Variants in WDFY4 observed in about 807,000 individuals in gnomAD.
The protein encoded by WDFY4 is WD repeat- and FYVE domain-containing protein 4.
WDFY4 carries 169 observed loss-of-function variants against 351.9 expected under a neutral mutation model. The ratio of observed to expected loss-of-function variants is 0.48; its 90% CI spans 0.42 to 0.55. The LOEUF is 0.55. Among genes scored for constraint, WDFY4 ranks in the 20% least tolerant of loss-of-function variants. The probability of loss-of-function intolerance (pLI) is 0.00; values close to 1 mark genes in which losing one functional copy is unlikely to be tolerated. For synonymous variants in WDFY4, 1,622 were observed against 1,574.6 expected (o/e 1.03, Z -0.71); for missense variants, 3,803 against 3,935.6 (o/e 0.97, Z 0.90).
chr10:48,708,754 A>C (rs932000934), intron 1 of WDFY4, among the ~76,000 whole-genome samples: 4 of 152,198 alleles, frequency 2.6e-5, no homozygotes, highest in Admixed American at 2.6e-4. Flanking sequence ...TCCTGTGTGC[A>C]CTTAGAGATG....
At chr10:48,807,187 G>T (rs1029442471) in intron 27 of WDFY4, among the ~76,000 whole-genome samples, 2 of 152,192 alleles carry the variant, frequency 1.3e-5, no homozygotes, top group Non-Finnish European at 2.9e-5. Flanking sequence ...CTGTATTGGT[G>T]TGAAATTGCT....
chr10:48,716,551 A>G (rs10776639), intron 2 of WDFY4, among the ~76,000 whole-genome samples: 55,238 of 152,044 alleles, frequency 0.36, 10,757 homozygotes, highest in East Asian at 0.73. Flanking sequence ...CCATTTAGTA[A>G]ATGATTGGCT....
chr10:48,691,844 G>T (rs950169525), intron 1 of WDFY4, among the ~76,000 whole-genome samples: 1 of 152,198 alleles, frequency 6.6e-6, no homozygotes, highest in East Asian at 1.9e-4. Flanking sequence ...GTTAAAACAC[G>T]CTGTCAGGAA....
At chr10:48,889,711 A>T (rs1246272810) in intron 43 of WDFY4, among the ~76,000 whole-genome samples, 1 of 152,202 alleles carries the variant, frequency 6.6e-6, no homozygotes, top group African/African-American at 2.4e-5. Flanking sequence ...TCATACCAAG[A>T]TATTGTCATG....
chr10:48,867,107 T>C (rs1435609897), intron 39 of WDFY4, among the ~76,000 whole-genome samples, 158 bp from the exon 40 acceptor site: 1 of 151,686 alleles, frequency 6.6e-6, no homozygotes, highest in African/African-American at 2.4e-5. Context: ...GAGGCAGAGG[T>C]TGCAGTGAGC....
At chr10:48,768,407 C>T (rs754806497) in intron 13 of WDFY4, among the ~76,000 whole-genome samples, 2 of 143,100 alleles carry the variant, frequency 1.4e-5, no homozygotes, top group Middle Eastern at 3.8e-3. Flanking sequence ...CCTCATGACC[C>T]CCCAACCTTT....
intron 38 of WDFY4, 66 bp downstream of exon 38, chr10:48,830,951 G>A (rs1028028185): frequency 6.8e-7 from 1 of 1,478,712 alleles, no homozygotes; most frequent in Non-Finnish European, 9.1e-7. Context: ...CTCCCGCAAG[G>A]TTCAACTCAG....
In WDFY4 at chr10:48,743,461, A is replaced by G. The variant is rs1349200129; in HGVS notation, c.2372A>G (p.Lys791Arg). ...RGDLKESLRT[K>R]QGPVVDVQKG... The stretch of plus-strand genomic sequence containing the variant: ...GACCTGAAGGAGTCCCTGAGGACCA[A>G]GCAGGGGCCGGTTGTGGATGTTCAG... The change falls in exon 12 of 62, where the codon AAG becomes AGG. Residue 791 changes from lysine to arginine, a missense_variant. By Grantham distance (26) the Lys-to-Arg change is conservative. Coordinates refer to ENST00000325239, the MANE Select transcript of WDFY4 (RefSeq NM_001394531.1). The G allele has an allele frequency of 6.5e-7, 1 of 1,549,502 alleles. No homozygotes were observed.
At chr10:48,902,341 TC>T (rs1022798927) in intron 47 of WDFY4, among the ~76,000 whole-genome samples, 4 of 151,818 alleles carry the variant, frequency 2.6e-5, no homozygotes, top group Admixed American at 6.6e-5. Flanking sequence ...TTGCTTGCAG[TC>T]CCCCCCGCCG....
At chr10:48,969,717 G>A (rs967510126) in intron 56 of WDFY4, among the ~76,000 whole-genome samples, 1 of 142,572 alleles carries the variant, frequency 7.0e-6, no homozygotes, top group African/African-American at 2.5e-5. Context: ...CTCCTCCTCA[G>A]GCCCCATTCC....
intron 43 of WDFY4, among the ~76,000 whole-genome samples, chr10:48,881,020 C>T (rs1416917308): frequency 6.6e-6 from 1 of 152,202 alleles, no homozygotes; most frequent in East Asian, 1.9e-4. Flanking sequence ...AACCATTCCC[C>T]AGCCTCCTTT....
intron 2 of WDFY4, among the ~76,000 whole-genome samples, chr10:48,713,336 T>G: frequency 6.6e-6 from 1 of 152,240 alleles, no homozygotes; most frequent in East Asian, 1.9e-4. Flanking sequence ...TGGCATCTTC[T>G]TCCCAGAAAA....
At chr10:48,795,144 ACT>A (rs1383544866) in intron 23 of WDFY4, among the ~76,000 whole-genome samples, 1 of 151,866 alleles carries the variant, frequency 6.6e-6, no homozygotes, top group Non-Finnish European at 1.5e-5. Context: ...TAGATCGGAG[ACT>A]CTGCTTGTGA....
At chr10:48,717,709 G>A (rs2063953154) in intron 2 of WDFY4, among the ~76,000 whole-genome samples, 2 of 152,206 alleles carry the variant, frequency 1.3e-5, no homozygotes, top group Middle Eastern at 3.4e-3. Context: ...CTATTTCTGG[G>A]ATTCATCCAT....
At chr10:48,959,493 G>T (rs772797973) in intron 52 of WDFY4, among the ~76,000 whole-genome samples, 5 of 152,210 alleles carry the variant, frequency 3.3e-5, no homozygotes, top group Non-Finnish European at 7.4e-5. Context: ...GCAAGCACTA[G>T]CACTGCCTGG....
At chr10:48,758,953 C>A (rs2065415804) in intron 12 of WDFY4, among the ~76,000 whole-genome samples, 1 of 152,086 alleles carries the variant, frequency 6.6e-6, no homozygotes, top group Non-Finnish European at 1.5e-5. Flanking sequence ...CTATGTTGAG[C>A]AATTTCAGGT....
chr10:48,970,932 C>G (rs143276934), intron 57 of WDFY4, among the ~76,000 whole-genome samples: 1 of 152,176 alleles, frequency 6.6e-6, no homozygotes, highest in Non-Finnish European at 1.5e-5. Flanking sequence ...CGGCACTTAA[C>G]GTTTGCTTAA....
intron 51 of WDFY4, among the ~76,000 whole-genome samples, chr10:48,956,428 GTC>G (rs1841593974): frequency 6.6e-6 from 1 of 152,044 alleles, no homozygotes; most frequent in Non-Finnish European, 1.5e-5. Flanking sequence ...TCCTGCCCAC[GTC>G]TCTCTCTCAC....
intron 12 of WDFY4, among the ~76,000 whole-genome samples, chr10:48,755,682 G>A (rs1452550448): frequency 1.3e-5 from 2 of 152,036 alleles, no homozygotes; most frequent in African/African-American, 4.8e-5. Flanking sequence ...ATTTATATAT[G>A]TCTTTGGACA....
Sources: gnomAD v4.1 joint callset for allele counts (sites outside exome capture counted in the v4.1 genomes callset) on GRCh38, gnomAD v4.1.1 for gene constraint, MANE v1.5 for transcripts, NCBI Gene and HGNC (gene_info 2026-07-23, HGNC 2026-07-21) for gene names.